PCDH15: variants seen among roughly 807,000 people sequenced by gnomAD.
The protein encoded by PCDH15 is protocadherin-15.
Under a neutral mutation model 178.5 loss-of-function variants are expected in PCDH15, and 129 were observed. The ratio of observed to expected loss-of-function variants is 0.72; its 90% CI spans 0.63 to 0.84. The LOEUF is 0.84. Among genes scored for constraint, PCDH15 ranks in the 40% least tolerant of loss-of-function variants. The pLI is 0.00. For missense variants in PCDH15, 2,230 were observed against 2,099.9 expected, an observed-to-expected ratio of 1.06 and a Z score of -1.21; for synonymous variants, 800 against 732.0, an observed-to-expected ratio of 1.09 and a Z score of -1.50.
chr10:53,808,595 A>G (rs1236203953), intron 37 of PCDH15: 11 of 1,476,648 alleles, frequency 7.4e-6, no homozygotes, highest in Non-Finnish European at 9.0e-6. Flanking sequence ...ATCTTGATCA[A>G]TTTCCTCCCT....
In PCDH15 at chr10:54,241,945, T is replaced by G. The variant is rs1270920709; in HGVS notation, c.877-5014A>C. ...ATTTTGAATACATGCTTCCTATTCA[T>G]TAGCTTTTCTGGAGACACACCTTCT... On this transcript the variant is annotated intron_variant, in intron 8 of 37. Coordinates refer to ENST00000644397, the MANE Select transcript of PCDH15 (RefSeq NM_001384140.1). 2.0e-5 allele frequency among the ~76,000 whole-genome samples: 3 copies of G among 150,922 alleles called. No homozygotes were observed. The East Asian group carries it at 5.9e-4, about 30-fold the overall frequency.
At chr10:54,719,176 CAG>C (rs1270153029) in intron 1 of PCDH15, among the ~76,000 whole-genome samples, 16 of 150,356 alleles carry the variant, frequency 1.1e-4, no homozygotes, top group African/African-American at 3.7e-4. Flanking sequence ...AAAAAACAAA[CAG>C]AATTTCTAGA....
chr10:54,779,450 AC>A (rs1950073076), intron 1 of PCDH15, among the ~76,000 whole-genome samples: 7 of 127,842 alleles, frequency 5.5e-5, no homozygotes, highest in African/African-American at 8.5e-5. Flanking sequence ...ATATATATAC[AC>A]TCATATATGT....
At chr10:54,777,056 A>G (rs1167485954) in intron 1 of PCDH15, among the ~76,000 whole-genome samples, 1 of 152,134 alleles carries the variant, frequency 6.6e-6, no homozygotes, top group African/African-American at 2.4e-5. Context: ...TAAAATATCA[A>G]TTTCTGGTTG....
At chr10:54,136,955 G>C (rs748366093) in intron 14 of PCDH15, among the ~76,000 whole-genome samples, 1 of 152,134 alleles carries the variant, frequency 6.6e-6, no homozygotes, top group Non-Finnish European at 1.5e-5. Flanking sequence ...ATCCTGGCAT[G>C]TCCCTATAAT....
intron 2 of PCDH15, among the ~76,000 whole-genome samples, chr10:55,435,298 A>T (rs1034886422): frequency 1.3e-5 from 2 of 152,238 alleles, no homozygotes; most frequent in African/African-American, 2.4e-5. Flanking sequence ...GTGTGGCATT[A>T]CAAGATAATT....
At chr10:54,151,466 A>C (rs1000775794) in intron 14 of PCDH15, among the ~76,000 whole-genome samples, 1 of 152,106 alleles carries the variant, frequency 6.6e-6, no homozygotes, top group Non-Finnish European at 1.5e-5. Flanking sequence ...GCATGAGCCC[A>C]GAGTTTGAGG....
intron 10 of PCDH15, among the ~76,000 whole-genome samples, chr10:54,201,142 G>C (rs2050193262): frequency 6.6e-6 from 1 of 152,106 alleles, no homozygotes; most frequent in South Asian, 2.1e-4. Flanking sequence ...TGCTTCAGTG[G>C]ATAGATATGG....
Position 54,762,786 on chromosome 10 carries a change from A to G in PCDH15, c.-29+38139T>C, listed in dbSNP as rs907860851. 3.9e-5 allele frequency among the ~76,000 whole-genome samples: 6 copies of G among 152,274 alleles called. 1 individual carries two copies. Among genetic ancestry groups the G allele is most frequent in the African/African-American group, 7.2e-5 (3 of 41,566 alleles). On this transcript the variant is annotated intron_variant, in intron 1 of 37. Transcript: ENST00000644397. ...TAGCCTTTTTTAAAGTGCAATCATA[A>G]AAACAATGGTTTTATAATGAAAGAA...
At chr10:53,990,239 GC>G (rs560257926) in intron 21 of PCDH15, among the ~76,000 whole-genome samples, 1 of 152,142 alleles carries the variant, frequency 6.6e-6, no homozygotes, top group South Asian at 2.1e-4. Context: ...TCCTCAGGTA[GC>G]TCTTCTAAGC....
In PCDH15 at chr10:54,335,626, G is replaced by A. The variant is rs567849095; in HGVS notation, c.595-5920C>T. Among the ~76,000 whole-genome samples, 4 of 152,248 alleles carry A rather than the reference G, an allele frequency of 2.6e-5. No individual in the cohort carries two copies. The South Asian group carries it at 8.3e-4, about 32-fold the overall frequency. On this transcript the variant is annotated intron_variant, in intron 6 of 37. Transcript: ENST00000644397. ...ACTTGATTAAATTCTCTCTTAGTCT[G>A]CTTCCATGTAAGACATGCCTTTTGC... is the stretch of plus-strand genomic sequence containing the variant.
At position 54,475,270 on chromosome 10, in the gene PCDH15, AT is replaced by A. The variant is rs532673429; in HGVS notation, c.157+52541del. ...CACTGTATGGAAGTTGCAAAAAATA[AT>A]TATAATATTCAACGTTTATTTTACT... On this transcript the variant is annotated intron_variant, in intron 3 of 37. Coordinates refer to ENST00000644397, the MANE Select transcript of PCDH15 (RefSeq NM_001384140.1). Among the ~76,000 whole-genome samples, 301 of 152,136 alleles carry A rather than the reference AT, an allele frequency of 2.0e-3. 1 individual carries two copies. Among genetic ancestry groups the A allele is most frequent in the Non-Finnish European group, 3.7e-3 (253 of 67,902 alleles).
chr10:55,624,249 G>T (rs1330124271), intron 2 of PCDH15, among the ~76,000 whole-genome samples: 1 of 151,738 alleles, frequency 6.6e-6, no homozygotes, highest in African/African-American at 2.4e-5. Context: ...TTTCCCCAGG[G>T]TTCCAAATTC....
At chr10:54,130,547 A>T (rs1039475993) in intron 15 of PCDH15, among the ~76,000 whole-genome samples, 1 of 152,170 alleles carries the variant, frequency 6.6e-6, no homozygotes, top group Non-Finnish European at 1.5e-5. Flanking sequence ...GCAAAACTGC[A>T]TTCATGCACT....
Position 54,782,119 on chromosome 10 carries a change from C to G in PCDH15, c.-29+18806G>C, listed in dbSNP as rs993041166. ...ATCTTTCAAAGTATTCCATGCAGAA[C>G]AGCTGATTTAGTAACCTACTGTGAA... is the stretch of plus-strand genomic sequence containing the variant. On this transcript the variant is annotated intron_variant, in intron 1 of 37. Coordinates refer to ENST00000644397, the MANE Select transcript of PCDH15 (RefSeq NM_001384140.1). Among the ~76,000 whole-genome samples the G allele has an allele frequency of 7.2e-5, 11 of 152,208 alleles. No homozygotes were observed. In the East Asian group the frequency reaches 2.1e-3, roughly 29 times the overall value.
intron 26 of PCDH15, among the ~76,000 whole-genome samples, chr10:53,900,039 C>T (rs916385393): frequency 2.0e-5 from 3 of 152,114 alleles, no homozygotes; most frequent in Non-Finnish European, 4.4e-5. Flanking sequence ...ATCTAACCAC[C>T]CTTCAGTGCT....
At chr10:55,122,247 A>C (rs1158923733) in intron 2 of PCDH15, among the ~76,000 whole-genome samples, 2 of 152,154 alleles carry the variant, frequency 1.3e-5, no homozygotes, top group African/African-American at 4.8e-5. Flanking sequence ...TTCTGCTAAA[A>C]CACTCAGGTA....
chr10:55,297,273 A>G (rs1040037650), intron 1 of PCDH15, among the ~76,000 whole-genome samples: 2 of 152,176 alleles, frequency 1.3e-5, no homozygotes, highest in African/African-American at 4.8e-5. Context: ...TCATTAAAAA[A>G]GTAATTCCAT....
At chr10:53,856,795 A>G (rs755511401) in intron 28 of PCDH15, among the ~76,000 whole-genome samples, 3 of 152,132 alleles carry the variant, frequency 2.0e-5, no homozygotes, top group Non-Finnish European at 4.4e-5. Flanking sequence ...CTCTTAAACT[A>G]TATGTTTAAT....
Sources: gnomAD v4.1 joint callset for allele counts (sites outside exome capture counted in the v4.1 genomes callset) on GRCh38, gnomAD v4.1.1 for gene constraint, MANE v1.5 for transcripts, NCBI Gene and HGNC (gene_info 2026-07-23, HGNC 2026-07-21) for gene names.